Variants in NECAB2 observed in about 807,000 individuals in gnomAD.
NECAB2 encodes N-terminal EF-hand calcium-binding protein 2.
A neutral mutation model predicts 51.9 loss-of-function variants in NECAB2; 68 were observed. The observed-to-expected ratio is 1.31, with a 90% confidence interval of 1.08 to 1.60. The LOEUF (loss-of-function observed/expected upper bound fraction) is 1.60, where lower values mean the gene tolerates loss of function less well. Ranked by LOEUF, NECAB2 falls within the 40% of genes most tolerant of loss-of-function variation. NECAB2 has a pLI of 0.00. For synonymous variants in NECAB2, 329 were observed against 203.5 expected (o/e 1.62, Z -5.25); for missense variants, 854 against 490.3 (o/e 1.74, Z -7.00).
chr16:84,001,800 ACT>A (rs762008870), intron 11 of NECAB2, 23 bp from the exon 12 acceptor site: 1 of 1,612,864 alleles, frequency 6.2e-7, no homozygotes, highest in South Asian at 1.1e-5. Flanking sequence ...GCCACCCCTG[ACT>A]CACACATGTC....
chr16:83,997,126 C>T (rs1597224645), intron 8 of NECAB2, 90 bp from the exon 9 acceptor site: 1 of 1,540,708 alleles, frequency 6.5e-7, no homozygotes, highest in South Asian at 1.1e-5. Flanking sequence ...CTTGGGAGCT[C>T]CCAACAGCCC....
rs1453170445 is a variant in NECAB2, at chr16:84,002,621, C to G, written c.*275C>G. The G allele has an allele frequency of 3.5e-6, 2 of 567,900 alleles. No homozygotes were observed. The highest frequency in any genetic ancestry group is 6.3e-6 in the Non-Finnish European group (2 of 317,774). The allele number at this position is 567,900 out of a possible 1,614,324, so 35.2% of individuals were successfully genotyped here. A position where few individuals can be genotyped will look rare whatever the true frequency, so the allele number is the denominator to read the frequency against. On this transcript the variant is annotated 3_prime_UTR_variant, in exon 13 of 13. Transcript: ENST00000305202. Reference sequence around the variant, plus strand: ...CTGCCTCCTGGTCCTGGCCTCTCCCCTACCCCTCACATGGCCACGCATGAC... The same window carrying G: ...CTGCCTCCTGGTCCTGGCCTCTCCCGTACCCCTCACATGGCCACGCATGAC...
upstream of NECAB2, chr16:83,965,441 A>T: frequency 6.3e-7 from 1 of 1,594,196 alleles, no homozygotes. Flanking sequence ...CCCTGTCCTC[A>T]TCATTGGCGC....
intron 10 of NECAB2, among the ~76,000 whole-genome samples, chr16:83,999,990 G>A (rs1468039454): frequency 6.6e-6 from 1 of 152,130 alleles, no homozygotes; most frequent in Non-Finnish European, 1.5e-5. Flanking sequence ...GGGTTTAAAT[G>A]AGTCTCATGC....
chr16:83,999,789 A>C lies in NECAB2; in HGVS notation c.963-935A>C, dbSNP rs1659256426. Among the ~76,000 whole-genome samples, 5 of 152,228 alleles carry C rather than the reference A, an allele frequency of 3.3e-5. No individual in the cohort carries two copies. In the South Asian group the frequency reaches 1.0e-3, roughly 32 times the overall value. ...CCCCTCAGCCTCCTTTGGTCAGGTC[A>C]GGTACAGTGCAGTGGGGGTGTTGCA... On this transcript the variant is annotated intron_variant, in intron 10 of 12. Coordinates refer to ENST00000305202, the MANE Select transcript of NECAB2 (RefSeq NM_019065.3).
chr16:83,999,115 T>C (rs749327006), intron 10 of NECAB2, among the ~76,000 whole-genome samples: 1 of 152,160 alleles, frequency 6.6e-6, no homozygotes, highest in Non-Finnish European at 1.5e-5. Context: ...ACAGGGTCTT[T>C]GAGAGGGGTC....
chr16:84,000,036 G>A (rs1380745425), intron 10 of NECAB2, among the ~76,000 whole-genome samples: 1 of 149,918 alleles, frequency 6.7e-6, no homozygotes, highest in South Asian at 2.1e-4. Context: ...ACAGGGATGT[G>A]CCACCAGGCC....
At chr16:83,994,565 T>A (rs2084670588) in intron 7 of NECAB2, 44 bp from the exon 8 acceptor site, 2 of 1,612,430 alleles carry the variant, frequency 1.2e-6, no homozygotes, top group Non-Finnish European at 1.7e-6. Context: ...GAAGCCCTCG[T>A]CCTGCCCACC....
Position 84,002,397 on chromosome 16 carries a change from A to G in NECAB2, c.*51A>G, listed in dbSNP as rs777689938. 2.5e-6 allele frequency: 4 copies of G among 1,572,456 alleles called. No individual in the cohort carries two copies. The highest frequency in any genetic ancestry group is 3.4e-6 in the Non-Finnish European group (4 of 1,160,534). On this transcript the variant is annotated 3_prime_UTR_variant, in exon 13 of 13. Coordinates refer to ENST00000305202, the MANE Select transcript of NECAB2 (RefSeq NM_019065.3). ...GCCCACCAGCCCCTTCTTCTTGTGA[A>G]GGAAATCCCGTTTTTTTCTAGACAG... is the stretch of plus-strand genomic sequence containing the variant.
intron 10 of NECAB2, among the ~76,000 whole-genome samples, chr16:83,999,892 GTTT>G (rs930683557): frequency 2.3e-5 from 3 of 131,498 alleles, no homozygotes; most frequent in Non-Finnish European, 4.5e-5. Context: ...ATTTTTAAAG[GTTT>G]TTTGAGACCA....
At chr16:84,000,372 C>T (rs1366974698) in intron 10 of NECAB2, among the ~76,000 whole-genome samples, 4 of 98,742 alleles carry the variant, frequency 4.1e-5, no homozygotes, top group Admixed American at 2.5e-4. Flanking sequence ...TCTATTGGGA[C>T]AGTTTTTGAA....
chr16:83,987,538 C>A (rs1459085712), intron 5 of NECAB2, among the ~76,000 whole-genome samples: 1 of 152,036 alleles, frequency 6.6e-6, no homozygotes, highest in Non-Finnish European at 1.5e-5. Context: ...ACATTTTAGC[C>A]TTTTTTTATG....
chr16:84,002,236 C>A, intron 12 of NECAB2, 82 bp from the exon 13 acceptor site: 1 of 1,527,606 alleles, frequency 6.5e-7, no homozygotes, highest in Non-Finnish European at 9.1e-7. Flanking sequence ...ATCCCCCGAC[C>A]TGTCATTCAA....
At chr16:83,999,967 A>G (rs73248868) in intron 10 of NECAB2, among the ~76,000 whole-genome samples, 3 of 151,998 alleles carry the variant, frequency 2.0e-5, no homozygotes, top group South Asian at 2.1e-4. Flanking sequence ...GCTCACTGCA[A>G]CCTCTCACCA....
chr16:84,000,289 G>A (rs549593149), intron 10 of NECAB2, among the ~76,000 whole-genome samples: 4 of 152,268 alleles, frequency 2.6e-5, no homozygotes, highest in African/African-American at 9.6e-5. Flanking sequence ...TGGCACTTTG[G>A]GAAGCCAAGG....
rs1220385045 is a variant in NECAB2 at position 83,978,925 on chromosome 16, A to AT, written c.335+375dup. On this transcript the variant is annotated intron_variant, in intron 3 of 12. Transcript: ENST00000305202. ...GCCTGTGTGTCCTCCCAGTCCCAACATTAACTGTGAGGTTGAACGTCATCC... is the reference window on the plus strand; with the variant it reads ...GCCTGTGTGTCCTCCCAGTCCCAACATTTAACTGTGAGGTTGAACGTCATCC... Among the ~76,000 whole-genome samples, 3 of 152,242 alleles carry AT rather than the reference A, an allele frequency of 2.0e-5. No individual in the cohort carries two copies. The South Asian group carries it at 6.2e-4, about 32-fold the overall frequency.
chr16:83,997,313 C>T (rs1275256054), intron 9 of NECAB2, 44 bp downstream of exon 9: 4 of 1,611,930 alleles, frequency 2.5e-6, no homozygotes, highest in Non-Finnish European at 3.4e-6. Context: ...CATCCCTACC[C>T]ATGCCAGGAC....
intron 10 of NECAB2, among the ~76,000 whole-genome samples, chr16:83,999,294 A>C (rs1056499908): frequency 1.3e-5 from 2 of 152,116 alleles, no homozygotes; most frequent in Non-Finnish European, 2.9e-5. Flanking sequence ...ACTCCACTCC[A>C]GGAGGACAGA....
intron 11 of NECAB2, among the ~76,000 whole-genome samples, chr16:84,001,418 C>A (rs1195305596): frequency 6.6e-6 from 1 of 152,160 alleles, no homozygotes; most frequent in Non-Finnish European, 1.5e-5. Flanking sequence ...CCAGTGGGAA[C>A]AGGGGCGGTC....
Sources: gnomAD v4.1 joint callset for allele counts (sites outside exome capture counted in the v4.1 genomes callset) on GRCh38, gnomAD v4.1.1 for gene constraint, MANE v1.5 for transcripts, NCBI Gene and HGNC (gene_info 2026-07-23, HGNC 2026-07-21) for gene names.